BMERB1: variants seen among roughly 807,000 people sequenced by gnomAD.
BMERB1 encodes the protein bMERB domain containing 1, also known as bMERB domain-containing protein 1.
BMERB1 carries 12 observed loss-of-function variants against 23.6 expected under a neutral mutation model. That is an observed-to-expected ratio of 0.51 (90% CI 0.33 to 0.82). The LOEUF (loss-of-function observed/expected upper bound fraction) is 0.82. Ranked by LOEUF, BMERB1 falls within the 40% of genes least tolerant of loss-of-function variation. BMERB1 has a pLI of 0.03. For missense variants in BMERB1, 247 were observed against 255.4 expected (o/e 0.97, Z 0.22); for synonymous variants, 122 against 96.6 (o/e 1.26, Z -1.54).
chr16:15,475,877 A>T (rs187824515), intron 1 of BMERB1, among the ~76,000 whole-genome samples: 1 of 152,188 alleles, frequency 6.6e-6, no homozygotes, highest in Admixed American at 6.5e-5. Context: ...AGCTCTCCCA[A>T]GCCTTGGTGT....
chr16:15,579,610 G>T lies in BMERB1; in HGVS notation c.305-1607G>T, dbSNP rs548856563. Among the ~76,000 whole-genome samples, 13 of 152,254 alleles carry T rather than the reference G, an allele frequency of 8.5e-5. No individual in the cohort carries two copies. The South Asian group carries it at 2.3e-3, about 27-fold the overall frequency. On this transcript the variant is annotated intron_variant, in intron 3 of 5. Transcript: ENST00000300006. The stretch of plus-strand genomic sequence containing the variant: ...ATTTGAGCAGAAAGAGCCCAAGTGG[G>T]TTTAAGTTTTTGCCTCTTAATTTTC...
At chr16:15,445,199 C>A (rs2050978916) in intron 1 of BMERB1, among the ~76,000 whole-genome samples, 1 of 152,066 alleles carries the variant, frequency 6.6e-6, no homozygotes, top group African/African-American at 2.4e-5. Flanking sequence ...GGTTATTTCA[C>A]CTCTTAAGCT....
chr16:15,571,644 C>A (rs2030730225), intron 3 of BMERB1, among the ~76,000 whole-genome samples: 2 of 152,114 alleles, frequency 1.3e-5, no homozygotes, highest in Admixed American at 6.5e-5. Context: ...TGTGAGCCAC[C>A]ACACCCAGCC....
chr16:15,531,777 A>T (rs1008714999), intron 2 of BMERB1, among the ~76,000 whole-genome samples: 1 of 152,150 alleles, frequency 6.6e-6, no homozygotes, highest in Non-Finnish European at 1.5e-5. Context: ...TGCTGATGTG[A>T]GTGGCAGCAG....
chr16:15,532,538 CTTTTTCTTT>C lies in BMERB1; in HGVS notation c.230+17116_230+17124del, dbSNP rs1352409528. Among the ~76,000 whole-genome samples, 3 of 95,148 alleles carry C rather than the reference CTTTTTCTTT, an allele frequency of 3.2e-5. No individual in the cohort carries two copies. The East Asian group carries it at 9.7e-4, about 31-fold the overall frequency. The allele number at this position is 95,148 out of a possible 152,430, so 62.4% of individuals were successfully genotyped here. A position where few individuals can be genotyped will look rare whatever the true frequency, so the allele number is the denominator to read the frequency against. On this transcript the variant is annotated intron_variant, in intron 2 of 5. Coordinates refer to ENST00000300006, the MANE Select transcript of BMERB1 (RefSeq NM_033201.3). ...CCACTATGCCCGGCCTTTTTTTTTT[CTTTTTCTTT>C]TTTTTTTTTTTTTTTTGAGACGGAG...
At chr16:15,494,815 A>G (rs933713094) in intron 1 of BMERB1, among the ~76,000 whole-genome samples, 1 of 149,280 alleles carries the variant, frequency 6.7e-6, no homozygotes, top group East Asian at 2.0e-4. Flanking sequence ...TAATGATCTT[A>G]TTGGAGCCTT....
intron 2 of BMERB1, among the ~76,000 whole-genome samples, chr16:15,563,297 T>C (rs2030475988): frequency 1.3e-5 from 2 of 149,434 alleles, no homozygotes; most frequent in South Asian, 4.1e-4. Flanking sequence ...CTTGGCCCGC[T>C]GCAACCTCCG....
intron 3 of BMERB1, among the ~76,000 whole-genome samples, chr16:15,571,173 C>G (rs1483686021): frequency 6.6e-6 from 1 of 151,934 alleles, no homozygotes; most frequent in Non-Finnish European, 1.5e-5. Flanking sequence ...CACTGTAGTT[C>G]AAACCCTTCT....
chr16:15,544,270 A>G (rs2052111870), intron 2 of BMERB1, among the ~76,000 whole-genome samples: 1 of 152,240 alleles, frequency 6.6e-6, no homozygotes, highest in African/African-American at 2.4e-5. Context: ...AATGGGTTAA[A>G]TAAATTTTTT....
At chr16:15,437,500 A>G (rs1480453209) in intron 1 of BMERB1, among the ~76,000 whole-genome samples, 1 of 152,224 alleles carries the variant, frequency 6.6e-6, no homozygotes, top group Non-Finnish European at 1.5e-5. Context: ...GGAATTATGT[A>G]AATATTGGTC....
At chr16:15,526,531 G>A (rs1489686258) in intron 2 of BMERB1, among the ~76,000 whole-genome samples, 1 of 151,920 alleles carries the variant, frequency 6.6e-6, no homozygotes, top group Non-Finnish European at 1.5e-5. Context: ...GGGTGTGGTG[G>A]TGTATGCCTG....
chr16:15,554,776 C>G (rs2030203663), intron 2 of BMERB1, among the ~76,000 whole-genome samples: 1 of 151,736 alleles, frequency 6.6e-6, no homozygotes, highest in African/African-American at 2.4e-5. Context: ...ACGCCATTCT[C>G]CTGCCTCAGC....
intron 1 of BMERB1, among the ~76,000 whole-genome samples, chr16:15,479,107 T>G (rs1369890292): frequency 6.6e-6 from 1 of 152,238 alleles, no homozygotes; most frequent in African/African-American, 2.4e-5. Context: ...AGCCTGTCAC[T>G]TCAAGGAAAA....
chr16:15,434,921 C>G (rs1425341463), intron 1 of BMERB1, among the ~76,000 whole-genome samples, 162 bp downstream of exon 1: 1 of 152,236 alleles, frequency 6.6e-6, no homozygotes, highest in Non-Finnish European at 1.5e-5. Context: ...CGCAGCGACG[C>G]GCTCTCCCCG....
intron 1 of BMERB1, among the ~76,000 whole-genome samples, chr16:15,503,443 G>C (rs891855982): frequency 2.0e-5 from 2 of 101,292 alleles, no homozygotes; most frequent in African/African-American, 8.0e-5. Flanking sequence ...CACCACGCCC[G>C]GCTATTTTTT....
At chr16:15,514,802 C>G (rs937315436) in intron 1 of BMERB1, among the ~76,000 whole-genome samples, 4 of 148,662 alleles carry the variant, frequency 2.7e-5, no homozygotes, top group African/African-American at 9.9e-5. Context: ...AAAACAAGGC[C>G]GGGTGCAGTG....
chr16:15,498,936 C>G (rs1368204320), intron 1 of BMERB1, among the ~76,000 whole-genome samples: 1 of 152,244 alleles, frequency 6.6e-6, no homozygotes, highest in Non-Finnish European at 1.5e-5. Flanking sequence ...TCAAAGCACT[C>G]ACAGGCTATG....
intron 1 of BMERB1, among the ~76,000 whole-genome samples, chr16:15,498,776 C>A (rs58899866): frequency 3.3e-5 from 5 of 152,310 alleles, no homozygotes; most frequent in Non-Finnish European, 5.9e-5. Flanking sequence ...GTGATTTTGT[C>A]CCCCAGGGGA....
intron 1 of BMERB1, among the ~76,000 whole-genome samples, chr16:15,469,802 A>G (rs1000601149): frequency 3.9e-5 from 6 of 152,170 alleles, no homozygotes; most frequent in Admixed American, 1.3e-4. Context: ...TTATTAGTAT[A>G]TATAGATGCA....
Sources: allele counts gnomAD v4.1 joint callset (sites outside exome capture counted in the v4.1 genomes callset), GRCh38; gene constraint gnomAD v4.1.1; transcripts MANE v1.5; gene names NCBI Gene and HGNC (gene_info 2026-07-23, HGNC 2026-07-21).